Variants in FLYWCH1 observed in about 807,000 individuals in gnomAD.
The protein encoded by FLYWCH1 is FLYWCH-type zinc finger-containing protein 1.
In FLYWCH1, 75 loss-of-function variants were observed where a neutral mutation model predicts 66.4. The observed-to-expected ratio is 1.13, with a 90% confidence interval of 0.94 to 1.37. FLYWCH1 has a LOEUF of 1.37. Ranked by LOEUF, FLYWCH1 falls within the 40% of genes most tolerant of loss-of-function variation. The probability of loss-of-function intolerance (pLI) is 0.00; values close to 1 mark genes in which losing one functional copy is unlikely to be tolerated. For missense variants in FLYWCH1, 1,334 were observed against 1,001.8 expected (o/e 1.33, Z -4.48); for synonymous variants, 595 against 429.9 (o/e 1.38, Z -4.75).
rs747714881 is a variant in FLYWCH1, at chr16:2,930,817, G to A, written c.733G>A (p.Glu245Lys). ...VLSKPALEEE[E>K]APRALSLLSL... ...GAGCAAGCCGGCCCTGGAGGAGGAG[G>A]AGGCACCCCGAGCCCTGTCACTGCT... Residue 245 changes from glutamate to lysine, a missense_variant, in exon 4 of 10, where the codon GAG (glutamate) becomes AAG (lysine). Physicochemically the swap from Glu to Lys is moderately conservative, Grantham distance 56. Transcript: ENST00000253928. 2 of 1,602,884 alleles carry A rather than the reference G, an allele frequency of 1.2e-6. No homozygotes were observed. Among genetic ancestry groups the A allele is most frequent in the Non-Finnish European group, 1.7e-6 (2 of 1,178,022 alleles).
intron 9 of FLYWCH1, among the ~76,000 whole-genome samples, chr16:2,942,373 C>G (rs952371527): frequency 2.0e-5 from 3 of 152,026 alleles, no homozygotes; most frequent in Non-Finnish European, 4.4e-5. Flanking sequence ...GTCTCCAACT[C>G]CTGGGCTCAA....
intron 9 of FLYWCH1, among the ~76,000 whole-genome samples, chr16:2,940,864 AG>A (rs1168597323): frequency 3.6e-5 from 1 of 27,608 alleles, no homozygotes; most frequent in Non-Finnish European, 6.2e-5. Context: ...CAAGGCAGGC[AG>A]ATCATTTGTA....
At chr16:2,936,099 GAT>G (rs2070987209) in intron 6 of FLYWCH1, 2 of 260,950 alleles carry the variant, frequency 7.7e-6, no homozygotes, top group African/African-American at 4.5e-5. Context: ...TTTTAGTAGA[GAT>G]GGGGTTTCAC....
intron 2 of FLYWCH1, chr16:2,922,784 T>A: frequency 1.9e-6 from 1 of 521,628 alleles, no homozygotes; most frequent in African/African-American, 1.9e-5. Context: ...CCTCACAGAG[T>A]TCTTCACAGC....
At chr16:2,920,324 A>T (rs1023369897) in intron 2 of FLYWCH1, among the ~76,000 whole-genome samples, 1 of 152,016 alleles carries the variant, frequency 6.6e-6, no homozygotes, top group African/African-American at 2.4e-5. Context: ...AGCCTGGCCA[A>T]AATGGTGAAA....
chr16:2,927,957 C>G (rs1433844766), intron 2 of FLYWCH1, among the ~76,000 whole-genome samples: 1 of 152,100 alleles, frequency 6.6e-6, no homozygotes, highest in African/African-American at 2.4e-5. Flanking sequence ...TGTGGCAGGG[C>G]AACAGGGTGA....
chr16:2,918,445 CT>C (rs879793184), intron 2 of FLYWCH1, among the ~76,000 whole-genome samples: 452 of 136,646 alleles, frequency 3.3e-3, no homozygotes, highest in Middle Eastern at 0.014. Flanking sequence ...CCGCGCCAGG[CT>C]TTTTTTTTTT....
intron 4 of FLYWCH1, among the ~76,000 whole-genome samples, chr16:2,931,354 G>A (rs1307155602): frequency 6.6e-6 from 1 of 150,506 alleles, no homozygotes; most frequent in South Asian, 2.1e-4. Flanking sequence ...GCTGGGCACA[G>A]TGTTCATGCC....
chr16:2,948,363 A>C (rs2071569875), intron 9 of FLYWCH1, among the ~76,000 whole-genome samples: 1 of 152,112 alleles, frequency 6.6e-6, no homozygotes, highest in Non-Finnish European at 1.5e-5. Flanking sequence ...GATCGAGACC[A>C]TCCTGGCCAA....
rs1238850461 is a variant in FLYWCH1, at chr16:2,933,310, T to A, written c.977T>A (p.Met326Lys). 6.2e-7 allele frequency: 1 copy of A among 1,611,088 alleles called. No homozygotes were observed. Among genetic ancestry groups the A allele is most frequent in the African/African-American group, 1.3e-5 (1 of 74,810 alleles). The change falls in exon 5 of 10, where the codon ATG becomes AAG. Residue 326 changes from methionine (M) to lysine (K), a missense_variant. Coordinates refer to ENST00000253928, the MANE Select transcript of FLYWCH1 (RefSeq NM_001308068.2). ...AITQGQRVTV[M>K]RGHCHQPDME... ...ACCCAGGGACAGCGGGTGACTGTGA[T>A]GCGTGGGCACTGCCACCAGCCCGAT...
In FLYWCH1 at chr16:2,938,276, G is replaced by C; in HGVS notation, c.1870G>C (p.Gly624Arg). Reference sequence around the variant, plus strand: ...CCTCTACAGGAAGGAGAAGGCGGCTGGGGAGAAGGTGTACTGGATGTGCCG... The same window carrying C: ...CCTCTACAGGAAGGAGAAGGCGGCTCGGGAGAAGGTGTACTGGATGTGCCG... ...SFLYRKEKAA[G>R]EKVYWMCRDQ... The change falls in exon 8 of 10, where the codon GGG becomes CGG. Residue 624 changes from glycine to arginine, a missense_variant. Gly to Arg is a moderately radical substitution (Grantham distance 125). Coordinates refer to ENST00000253928, the MANE Select transcript of FLYWCH1 (RefSeq NM_001308068.2). 2 of 1,612,856 alleles carry C rather than the reference G, an allele frequency of 1.2e-6. No individual in the cohort carries two copies. The highest frequency in any genetic ancestry group is 2.2e-5 in the South Asian group (2 of 90,990).
intron 2 of FLYWCH1, chr16:2,928,788 C>G (rs944484165): frequency 1.3e-5 from 2 of 152,364 alleles, no homozygotes; most frequent in Admixed American, 6.5e-5. Context: ...CAGCCCTGTG[C>G]TGGTTCCCCA....
chr16:2,925,049 C>T (rs1043643763), intron 2 of FLYWCH1, among the ~76,000 whole-genome samples: 2 of 152,218 alleles, frequency 1.3e-5, no homozygotes, highest in African/African-American at 2.4e-5. Context: ...GGCCCCTGCC[C>T]GCCTGCACTC....
At chr16:2,932,908 A>C (rs2070820540) in intron 4 of FLYWCH1, among the ~76,000 whole-genome samples, 1 of 151,572 alleles carries the variant, frequency 6.6e-6, no homozygotes, top group African/African-American at 2.4e-5. Context: ...GGGTGGCCTC[A>C]CTGACCGCTA....
intron 6 of FLYWCH1, chr16:2,934,489 GC>G (rs2070914323): frequency 5.4e-6 from 2 of 368,524 alleles, no homozygotes; most frequent in Non-Finnish European, 1.1e-5. Context: ...CACACGGTCG[GC>G]CCCCCGCAGT....
intron 2 of FLYWCH1, chr16:2,922,208 G>A (rs1394489655): frequency 6.7e-6 from 1 of 149,534 alleles, no homozygotes; most frequent in Non-Finnish European, 1.5e-5. Context: ...GGTGTTTTGT[G>A]TATAGTTTGT....
rs989844182 is a variant in FLYWCH1, at chr16:2,951,200, A to C, written c.*2473A>C. The stretch of plus-strand genomic sequence containing the variant: ...ATTTAAAATAAATCCCCAAGGCATC[A>C]GAAACGTATCAACTAAGAACTCTAA... On this transcript the variant is annotated 3_prime_UTR_variant, in exon 10 of 10. Transcript: ENST00000253928. The C allele has an allele frequency of 2.0e-5, 3 of 152,292 alleles. No homozygotes were observed. The highest frequency in any genetic ancestry group is 4.4e-5 in the Non-Finnish European group (3 of 68,070). The allele number at this position is 152,292 out of a possible 1,614,324, so 9.4% of individuals were successfully genotyped here.
chr16:2,933,799 G>C lies in FLYWCH1; in HGVS notation c.1333G>C (p.Gly445Arg). The change falls in exon 6 of 10, where the codon GGG becomes CGG. Residue 445 changes from glycine (G) to arginine (R), a missense_variant. Transcript: ENST00000253928. ...SFLYRREKAAGEKVYWTCRDQ... is the reference protein window; with the variant it reads ...SFLYRREKAAREKVYWTCRDQ... ...CCTCTACCGGCGGGAGAAGGCGGCT[G>C]GGGAGAAGGTGTATTGGACCTGCCG... is the stretch of plus-strand genomic sequence containing the variant. 1.2e-6 allele frequency: 2 copies of C among 1,609,650 alleles called. 1 individual carries two copies. Among genetic ancestry groups the C allele is most frequent in the South Asian group, 2.2e-5 (2 of 90,666 alleles).
chr16:2,937,462 G>T, intron 7 of FLYWCH1, 78 bp downstream of exon 7: 1 of 1,418,546 alleles, frequency 7.0e-7, no homozygotes, highest in Non-Finnish European at 9.1e-7. Context: ...GAGGCTGCCC[G>T]TGGGGTGTTG....
Sources: gnomAD v4.1 joint callset for allele counts (sites outside exome capture counted in the v4.1 genomes callset) on GRCh38, gnomAD v4.1.1 for gene constraint, MANE v1.5 for transcripts, NCBI Gene and HGNC (gene_info 2026-07-23, HGNC 2026-07-21) for gene names.